TMC2: variants seen among roughly 807,000 people sequenced by gnomAD.
TMC2 encodes transmembrane channel like 2.
TMC2 carries 102 observed loss-of-function variants against 105.9 expected under a neutral mutation model. That is an observed-to-expected ratio of 0.96 (90% CI 0.82 to 1.14). The LOEUF (loss-of-function observed/expected upper bound fraction) is 1.14. TMC2 is among the 50% of genes most tolerant of loss of function. The pLI is 0.00. For synonymous variants in TMC2, 402 were observed against 422.8 expected, an observed-to-expected ratio of 0.95 and a Z score of 0.60; for missense variants, 1,093 against 1,134.3, an observed-to-expected ratio of 0.96 and a Z score of 0.52.
intron 3 of TMC2, 43 bp from the exon 4 acceptor site, chr20:2,561,815 C>G (rs1034318107): frequency 1.4e-5 from 23 of 1,592,910 alleles, no homozygotes; most frequent in Non-Finnish European, 1.9e-5. Flanking sequence ...GACACCACCT[C>G]CTTTCCAACT....
chr20:2,638,479 A>C (rs2086665557), intron 19 of TMC2, among the ~76,000 whole-genome samples: 1 of 152,204 alleles, frequency 6.6e-6, no homozygotes, highest in Non-Finnish European at 1.5e-5. Context: ...TTTAGAGTAG[A>C]TTCCTTCTAC....
chr20:2,599,782 G>A (rs2086337867), intron 10 of TMC2, among the ~76,000 whole-genome samples: 1 of 152,116 alleles, frequency 6.6e-6, no homozygotes, highest in South Asian at 2.1e-4. Context: ...TCTCCTGTCT[G>A]ATCAGTGAAG....
At chr20:2,547,513 C>G (rs1439214623) in intron 2 of TMC2, among the ~76,000 whole-genome samples, 1 of 152,182 alleles carries the variant, frequency 6.6e-6, no homozygotes, top group Non-Finnish European at 1.5e-5. Context: ...AAAACCCTAA[C>G]AACAATGTAT....
chr20:2,584,622 G>A (rs187146672), intron 7 of TMC2, among the ~76,000 whole-genome samples: 13 of 152,042 alleles, frequency 8.6e-5, no homozygotes, highest in Admixed American at 5.9e-4. Flanking sequence ...AAAATGTAGT[G>A]ACTTAAATAC....
Position 2,558,789 on chromosome 20 carries a change from C to G in TMC2, c.401+15C>G, listed in dbSNP as rs749961735. On this transcript the variant is annotated intron_variant, in intron 3 of 19. Transcript: ENST00000358864. The surrounding 1 kb of genome is among the most constrained non-coding windows in gnomAD (Gnocchi z 4.6). The stretch of plus-strand genomic sequence containing the variant: ...AAGAAACCCAGGTGTGTTGTGGCTC[C>G]GATTCTGGGCATTCGCTCCGCGCGC... 5.9e-6 allele frequency: 9 copies of G among 1,516,382 alleles called. No individual in the cohort carries two copies. Among genetic ancestry groups the G allele is most frequent in the Admixed American group, 2.2e-5 (1 of 44,968 alleles). The allele number at this position is 1,516,382 out of a possible 1,614,324, so 93.9% of individuals were successfully genotyped here.
At chr20:2,572,906 T>C (rs1297212115) in intron 5 of TMC2, among the ~76,000 whole-genome samples, 1 of 151,956 alleles carries the variant, frequency 6.6e-6, no homozygotes, top group Non-Finnish European at 1.5e-5. Flanking sequence ...AGGTTCCCCT[T>C]TTTACCTTTG....
chr20:2,607,521 G>T (rs569376063), intron 11 of TMC2, among the ~76,000 whole-genome samples: 1 of 152,148 alleles, frequency 6.6e-6, no homozygotes, highest in Non-Finnish European at 1.5e-5. Flanking sequence ...TTATTGGACC[G>T]AGCAGAGTTC....
intron 13 of TMC2, 144 bp from the exon 14 acceptor site, chr20:2,613,050 C>T: frequency 8.9e-7 from 1 of 1,122,186 alleles, no homozygotes; most frequent in East Asian, 2.6e-5. Flanking sequence ...AGTCGCCTCT[C>T]TTCACACACA....
chr20:2,564,009 T>C (rs1401699399), intron 4 of TMC2, among the ~76,000 whole-genome samples: 3 of 152,192 alleles, frequency 2.0e-5, no homozygotes, highest in African/African-American at 7.2e-5. Context: ...ATTACAGGTA[T>C]GGGCCACCAC....
chr20:2,564,029 A>G (rs4815335), intron 4 of TMC2, among the ~76,000 whole-genome samples: 99,371 of 151,934 alleles, frequency 0.65, 33,181 homozygotes, highest in African/African-American at 0.79. Context: ...CACCTGGCCC[A>G]TTTGTCAATT....
At chr20:2,637,727 C>T (rs751070647) in intron 19 of TMC2, 136 bp downstream of exon 19, 1 of 657,278 alleles carries the variant, frequency 1.5e-6, no homozygotes, top group Non-Finnish European at 2.6e-6. Context: ...TGAAGTTGGG[C>T]AGGTGAATAT....
intron 3 of TMC2, among the ~76,000 whole-genome samples, chr20:2,559,105 A>G (rs1309629623): frequency 2.0e-5 from 3 of 152,062 alleles, no homozygotes; most frequent in Non-Finnish European, 4.4e-5. Context: ...GTGGGACACG[A>G]TCCCGCGTCC....
intron 13 of TMC2, 78 bp downstream of exon 13, chr20:2,612,418 G>A: frequency 1.5e-6 from 2 of 1,348,646 alleles, no homozygotes; most frequent in African/African-American, 1.5e-5. Context: ...TTCCATTTGA[G>A]GAATAACCCT....
intron 17 of TMC2, among the ~76,000 whole-genome samples, chr20:2,632,496 C>A (rs1279516363): frequency 6.6e-6 from 1 of 152,074 alleles, no homozygotes; most frequent in Non-Finnish European, 1.5e-5. Context: ...ATCAAGGTTT[C>A]CTCAGGAATG....
intron 8 of TMC2, among the ~76,000 whole-genome samples, chr20:2,593,409 T>A (rs954791120): frequency 1.3e-5 from 2 of 152,132 alleles, no homozygotes; most frequent in African/African-American, 4.8e-5. Flanking sequence ...TCAATGAATA[T>A]CTGAGGAGGA....
intron 17 of TMC2, among the ~76,000 whole-genome samples, chr20:2,628,804 T>C (rs749609330): frequency 1.3e-5 from 2 of 152,226 alleles, no homozygotes; most frequent in Non-Finnish European, 2.9e-5. Context: ...TATAGCAGTA[T>C]GAAAACAGGC....
intron 2 of TMC2, among the ~76,000 whole-genome samples, chr20:2,546,978 T>C (rs2085930002): frequency 6.6e-6 from 1 of 152,140 alleles, no homozygotes; most frequent in African/African-American, 2.4e-5. Flanking sequence ...GTACACTATA[T>C]CTAATTTATA....
rs199624570 is a variant in TMC2, at chr20:2,616,220, C to A, written c.1940+16C>A. Reference sequence around the variant, plus strand: ...GAATGATCTGGTGAGTTATCCATTTCATCTGGTGATCGCCTCATCCAAGGA... The same window carrying A: ...GAATGATCTGGTGAGTTATCCATTTAATCTGGTGATCGCCTCATCCAAGGA... On this transcript the variant is annotated intron_variant, in intron 15 of 19. Transcript: ENST00000358864. This position sits in a 1 kb window ranked among gnomAD's most constrained non-coding sequence, Gnocchi z 4.8. 3 of 1,606,420 alleles carry A rather than the reference C, an allele frequency of 1.9e-6. No individual in the cohort carries two copies. Among genetic ancestry groups the A allele is most frequent in the Non-Finnish European group, 2.6e-6 (3 of 1,173,042 alleles).
In TMC2 at chr20:2,635,914, T is replaced by G. The variant is rs774815548; in HGVS notation, c.2307-12T>G. ...ATCACGGGACCATAGGAGGCATGCT[T>G]TTCTCTTGCAGCTTGGCCATTTACT... On this transcript the variant is annotated splice_polypyrimidine_tract_variant and intron_variant, in intron 17 of 19. Transcript: ENST00000358864. The G allele has an allele frequency of 1.2e-5, 19 of 1,613,070 alleles. No individual in the cohort carries two copies. The highest frequency in any genetic ancestry group is 1.5e-5 in the Non-Finnish European group (18 of 1,179,078).
Sources: gnomAD v4.1 joint callset for allele counts (sites outside exome capture counted in the v4.1 genomes callset) on GRCh38, gnomAD v4.1.1 for gene constraint, Gnocchi (gnomAD v3.1) non-coding constraint, MANE v1.5 for transcripts, NCBI Gene and HGNC (gene_info 2026-07-23, HGNC 2026-07-21) for gene names.